FRMPD1: variants seen among roughly 807,000 people sequenced by gnomAD.
FRMPD1 encodes the protein FERM and PDZ domain-containing protein 1.
In FRMPD1, 76 loss-of-function variants were observed where a neutral mutation model predicts 117.8. The observed-to-expected ratio is 0.65, with a 90% CI of 0.54 to 0.78. FRMPD1 has a LOEUF of 0.78. FRMPD1 is among the 30% of genes least tolerant of loss of function. The pLI is 0.00. For synonymous variants in FRMPD1, 783 were observed against 770.4 expected (o/e 1.02, Z -0.27); for missense variants, 1,786 against 1,964.5 (o/e 0.91, Z 1.72).
At position 37,740,109 on chromosome 9, in the gene FRMPD1, G is replaced by C. The variant is rs201720880; in HGVS notation, c.1581G>C (p.Glu527Asp). ...GYESRACSDS[E>D]ESSEVDCVLE... ...AATCCAGGGCCTGCAGTGACTCAGA[G>C]GAGTCCTCTGAGGTGGACTGCGTAC... is the stretch of plus-strand genomic sequence containing the variant. Residue 527 changes from glutamate (E) to aspartate (D), a missense_variant, in exon 15 of 16, where the codon GAG becomes GAC. Glu to Asp is a conservative substitution (Grantham distance 45). Transcript: ENST00000377765. The surrounding 1 kb of genome is among the most constrained non-coding windows in gnomAD (Gnocchi z 4.2). 1.9e-6 allele frequency: 3 copies of C among 1,611,532 alleles called. No homozygotes were observed. In the East Asian group the frequency reaches 6.7e-5, roughly 36 times the overall value.
At chr9:37,605,071 G>A in the FRMPD1 span, among the ~76,000 whole-genome samples, 3 of 152,232 alleles carry the variant, frequency 2.0e-5, no homozygotes, top group African/African-American at 7.2e-5. Context: ...CAGTTCCACT[G>A]TGGAGTCGTT....
chr9:37,621,863 C>G, the FRMPD1 span, among the ~76,000 whole-genome samples: 5 of 152,230 alleles, frequency 3.3e-5, no homozygotes, highest in African/African-American at 1.2e-4. Flanking sequence ...GAGAAACTTC[C>G]TGCCGAACAG....
intron 1 of FRMPD1, among the ~76,000 whole-genome samples, chr9:37,673,221 T>C (rs1821415032): frequency 6.6e-6 from 1 of 152,128 alleles, no homozygotes; most frequent in African/African-American, 2.4e-5. Flanking sequence ...CCATTCCAAA[T>C]GGGAGAAATT....
the FRMPD1 span, among the ~76,000 whole-genome samples, chr9:37,637,818 A>G: frequency 8.5e-5 from 13 of 152,316 alleles, no homozygotes; most frequent in Non-Finnish European, 4.4e-5. Context: ...TGAGAAGTGT[A>G]AAGTGTTACA....
chr9:37,692,886 G>C, intron 2 of FRMPD1, 144 bp downstream of exon 2: 1 of 655,916 alleles, frequency 1.5e-6, no homozygotes, highest in Admixed American at 2.5e-5. Flanking sequence ...AGTGTAAACA[G>C]GTCAGCAATT....
At chr9:37,639,091 T>C in the FRMPD1 span, among the ~76,000 whole-genome samples, 1 of 152,234 alleles carries the variant, frequency 6.6e-6, no homozygotes, top group African/African-American at 2.4e-5. Context: ...TGCACATACA[T>C]TTTAAATATT....
At chr9:37,709,986 G>A (rs193040827) in intron 4 of FRMPD1, among the ~76,000 whole-genome samples, 8 of 152,288 alleles carry the variant, frequency 5.3e-5, no homozygotes, top group South Asian at 2.1e-4. Flanking sequence ...ATCCCAGGAC[G>A]CCTTACTTTT....
intron 1 of FRMPD1, among the ~76,000 whole-genome samples, chr9:37,690,495 T>C (rs986829743): frequency 3.9e-5 from 6 of 152,212 alleles, no homozygotes; most frequent in African/African-American, 1.4e-4. Context: ...TAGATATTTA[T>C]TGATAAGTAA....
Position 37,659,092 on chromosome 9 carries a change from C to T in FRMPD1, c.-5+7998C>T, listed in dbSNP as rs80263933. On this transcript the variant is annotated intron_variant, in intron 1 of 15. Coordinates refer to ENST00000377765, the MANE Select transcript of FRMPD1 (RefSeq NM_014907.3). Reference sequence around the variant, plus strand: ...TGTTGCTCAGACTGATCTCAAACTCCTGAGCTTAAGCAGTCCTCCTGTCCC... The same window carrying T: ...TGTTGCTCAGACTGATCTCAAACTCTTGAGCTTAAGCAGTCCTCCTGTCCC... Among the ~76,000 whole-genome samples, 66 of 152,280 alleles carry T rather than the reference C, an allele frequency of 4.3e-4. 1 individual carries two copies. In the East Asian group the frequency reaches 0.012, roughly 29 times the overall value.
intron 2 of FRMPD1, 115 bp from the exon 3 acceptor site, chr9:37,707,301 G>A: frequency 1.3e-6 from 1 of 743,382 alleles, no homozygotes; most frequent in Non-Finnish European, 2.2e-6. Flanking sequence ...CTCAAGAGGA[G>A]AATTGGTGTC....
chr9:37,620,183 C>T, the FRMPD1 span, among the ~76,000 whole-genome samples: 1 of 152,184 alleles, frequency 6.6e-6, no homozygotes, highest in Non-Finnish European at 1.5e-5. Context: ...TTCCATTTTA[C>T]CCTTCACTTC....
At chr9:37,702,098 A>T (rs950585706) in intron 2 of FRMPD1, among the ~76,000 whole-genome samples, 1 of 152,236 alleles carries the variant, frequency 6.6e-6, no homozygotes, top group African/African-American at 2.4e-5. Context: ...GGGTTGAGCT[A>T]TATATCGAGT....
chr9:37,637,956 G>A, the FRMPD1 span, among the ~76,000 whole-genome samples: 3 of 105,528 alleles, frequency 2.8e-5, no homozygotes, highest in Non-Finnish European at 5.8e-5. Flanking sequence ...AAAGGAAAAT[G>A]GTGTATGCTT....
the FRMPD1 span, among the ~76,000 whole-genome samples, chr9:37,622,033 CT>C: frequency 6.6e-6 from 1 of 152,174 alleles, no homozygotes; most frequent in Non-Finnish European, 1.5e-5. Flanking sequence ...TGGCTATATG[CT>C]TGCTTCTGGG....
intron 7 of FRMPD1, among the ~76,000 whole-genome samples, chr9:37,726,255 C>T (rs1435911152): frequency 6.6e-6 from 1 of 152,122 alleles, no homozygotes; most frequent in Non-Finnish European, 1.5e-5. Flanking sequence ...ACTTCTCTTC[C>T]CCTTTCCCTC....
At chr9:37,676,812 T>C (rs115400575) in intron 1 of FRMPD1, among the ~76,000 whole-genome samples, 3,744 of 152,288 alleles carry the variant, frequency 0.025, 161 homozygotes, top group African/African-American at 0.085. Flanking sequence ...GAGCTCTTCC[T>C]AGACTCCCTA....
chr9:37,639,787 A>G, the FRMPD1 span, among the ~76,000 whole-genome samples: 2 of 152,114 alleles, frequency 1.3e-5, no homozygotes, highest in Non-Finnish European at 2.9e-5. Flanking sequence ...CAGCCACCCA[A>G]GTAACTGGGA....
intron 7 of FRMPD1, among the ~76,000 whole-genome samples, chr9:37,728,462 G>T (rs1249267968): frequency 6.6e-6 from 1 of 152,208 alleles, no homozygotes; most frequent in Non-Finnish European, 1.5e-5. Flanking sequence ...AATGGGGAAA[G>T]TATACTGGGC....
chr9:37,691,472 T>C (rs1325507641), intron 1 of FRMPD1, among the ~76,000 whole-genome samples: 1 of 152,272 alleles, frequency 6.6e-6, no homozygotes, highest in Non-Finnish European at 1.5e-5. Flanking sequence ...CCAATGTTAA[T>C]TTCTTAATTT....
Sources: gnomAD v4.1 joint callset for allele counts (sites outside exome capture counted in the v4.1 genomes callset) on GRCh38, gnomAD v4.1.1 for gene constraint, Gnocchi (gnomAD v3.1) non-coding constraint, MANE v1.5 for transcripts, NCBI Gene and HGNC (gene_info 2026-07-23, HGNC 2026-07-21) for gene names.